The following OBSL1 variants were observed in gnomAD, a reference collection of about 807,000 sequenced individuals.
OBSL1 encodes obscurin-like protein 1.
OBSL1 carries 160 observed loss-of-function variants against 172.0 expected under a neutral mutation model. The observed-to-expected ratio is 0.93, with a 90% confidence interval of 0.82 to 1.06. The LOEUF is 1.06. Ranked by LOEUF, OBSL1 falls within the 50% of genes least tolerant of loss-of-function variation. The pLI is 0.00. For missense variants in OBSL1, 2,681 were observed against 2,715.4 expected, an observed-to-expected ratio of 0.99 and a Z score of 0.28; for synonymous variants, 1,200 against 1,196.3, an observed-to-expected ratio of 1.00 and a Z score of -0.06.
Position 219,565,451 on chromosome 2 carries a change from C to T in OBSL1, c.2198G>A (p.Arg733Gln), listed in dbSNP as rs372863586. 39 of 1,613,318 alleles carry T rather than the reference C, an allele frequency of 2.4e-5. No individual in the cohort carries two copies. Among genetic ancestry groups the T allele is most frequent in the Admixed American group, 3.3e-5 (2 of 59,994 alleles). ...RVSLTFTTSERVVLTCELSRV... is the reference protein window; with the variant it reads ...RVSLTFTTSEQVVLTCELSRV... ...TGAGAGCTCACAAGTCAGCACCACC[C>T]GCTCTGAGGTTGTGAAGGTCAACGA... The change falls in exon 6 of 21, where the codon CGG (arginine) becomes CAG (glutamine). Residue 733 changes from arginine to glutamine, a missense_variant. Arg to Gln is a conservative substitution (Grantham distance 43). This residue lies in a region of OBSL1 where 1,765 missense variants were observed against 1,748.3 expected (regional missense o/e 1.01). Transcript: ENST00000404537.
In OBSL1 at chr2:219,558,028, A is replaced by G. The variant is rs773646934; in HGVS notation, c.3585T>C (p.Cys1195=). The change falls in exon 11 of 21, where the codon TGT becomes TGC. Residue 1195 remains cysteine (C), a synonymous_variant. Transcript: ENST00000404537. ...VAPGEPVVLS[C]ELSRAGAPVV... is the part of the protein sequence containing the mutation. ...CGGGGGCGCCAGCCCGGGACAGTTC[A>G]CAGCTCAGCACCACTGGCTCCCCAG... 1.9e-6 allele frequency: 3 copies of G among 1,613,340 alleles called. No individual in the cohort carries two copies. Among genetic ancestry groups the G allele is most frequent in the Non-Finnish European group, 2.5e-6 (3 of 1,179,794 alleles).
At chr2:219,552,337 CGGAACAG>C in intron 18 of OBSL1, 121 bp from the exon 19 acceptor site, 1 of 991,484 alleles carries the variant, frequency 1.0e-6, no homozygotes. Context: ...CTAGGGTGGG[CGGAACAG>C]GGATGCGGAG....
In OBSL1 at chr2:219,570,455, C is replaced by T. The variant is rs1697260383; in HGVS notation, c.778G>A (p.Gly260Ser). 1.2e-6 allele frequency: 2 copies of T among 1,613,012 alleles called. No individual in the cohort carries two copies. Among genetic ancestry groups the T allele is most frequent in the Non-Finnish European group, 1.7e-6 (2 of 1,179,580 alleles). The change falls in exon 1 of 21, where the codon GGC becomes AGC. Residue 260 changes from glycine to serine, a missense_variant. By Grantham distance (56) the Gly-to-Ser change is moderately conservative. Around this residue, in one of 5 missense-constraint regions of OBSL1, gnomAD observed 706 missense variants for 695.8 expected, o/e 1.01. Coordinates refer to ENST00000404537, the MANE Select transcript of OBSL1 (RefSeq NM_015311.3). ...TAGCAGCGGAACTTGGCGTGCTTGCCCTCGTTCACCCAGAAGGTCTTAGGC... is the reference window on the plus strand; with the variant it reads ...TAGCAGCGGAACTTGGCGTGCTTGCTCTCGTTCACCCAGAAGGTCTTAGGC... ...CAPKTFWVNEGKHAKFRCYVM... is the reference protein window; with the variant it reads ...CAPKTFWVNESKHAKFRCYVM...
At chr2:219,548,733 A>G (rs10932812), downstream of OBSL1, among the ~76,000 whole-genome samples, 144,933 of 152,256 alleles carry the variant, frequency 0.95, 69,344 homozygotes, top group East Asian at 1. Flanking sequence ...ACCACTGGAG[A>G]GTTTAAAGTA....
At chr2:219,560,277 C>T (rs544376929) in intron 8 of OBSL1, among the ~76,000 whole-genome samples, 7 of 152,200 alleles carry the variant, frequency 4.6e-5, no homozygotes, top group Non-Finnish European at 1.0e-4. Flanking sequence ...TAAAGGGAGG[C>T]TCAGACCCCA....
rs770887118 is a variant in OBSL1 at position 219,565,421 on chromosome 2, A to G, written c.2228T>C (p.Val743Ala). ...CTTGTACCAGGTTGCCGGGAAGTCC[A>G]CCCTTGAGAGCTCACAAGTCAGCAC... The part of the protein sequence containing the change: ...RVVLTCELSR[V>A]DFPATWYKDG... The change falls in exon 6 of 21, where the codon GTG (valine) becomes GCG (alanine). Residue 743 changes from valine to alanine, a missense_variant. Val to Ala is a moderately conservative substitution (Grantham distance 64, BLOSUM62 0). Coordinates refer to ENST00000404537, the MANE Select transcript of OBSL1 (RefSeq NM_015311.3). The G allele has an allele frequency of 1.2e-5, 20 of 1,613,554 alleles. No individual in the cohort carries two copies. In the African/African-American group the frequency reaches 2.4e-4, roughly 19 times the overall value.
In OBSL1 at chr2:219,556,741, G is replaced by T; in HGVS notation, c.4067-18C>A. ...CAGTGGCTCTAAGGGGCACGGTAAG[G>T]CAGTGAGCTGGGCTGAGTCTTTTCT... is the stretch of plus-strand genomic sequence containing the variant. On this transcript the variant is annotated intron_variant, in intron 12 of 20. Transcript: ENST00000404537. The T allele has an allele frequency of 6.3e-7, 1 of 1,581,188 alleles. No individual in the cohort carries two copies. Among genetic ancestry groups the T allele is most frequent in the Non-Finnish European group, 8.6e-7 (1 of 1,158,506 alleles).
At chr2:219,569,942 G>C (rs1380502912) in intron 1 of OBSL1, among the ~76,000 whole-genome samples, 2 of 152,338 alleles carry the variant, frequency 1.3e-5, no homozygotes, top group East Asian at 3.9e-4. Context: ...AAGAGTTCTA[G>C]GGCCCTCCGG....
At chr2:219,547,393 T>C, downstream of OBSL1, 1 of 835,590 alleles carries the variant, frequency 1.2e-6, no homozygotes. Flanking sequence ...TCTCTGATCT[T>C]AGTGTCTTTG....
At position 219,567,104 on chromosome 2, in the gene OBSL1, T is replaced by C; in HGVS notation, c.1860A>G (p.Ala620=). 1.2e-6 allele frequency: 2 copies of C among 1,613,164 alleles called. No homozygotes were observed. The highest frequency in any genetic ancestry group is 4.5e-5 in the East Asian group (2 of 44,854). Residue 620 remains alanine (A), a synonymous_variant, in exon 5 of 21, where the codon GCA becomes GCG. Coordinates refer to ENST00000404537, the MANE Select transcript of OBSL1 (RefSeq NM_015311.3). ...AHLVPTARLV[A]GLEDVQVYDG... is the part of the protein sequence containing the mutation. ...CGTATACCTGCACATCCTCCAGACC[T>C]GCCACCAGGCGAGCTGTGGGCACTG...
At chr2:219,562,345 C>T (rs1696540540) in intron 8 of OBSL1, 57 bp downstream of exon 8, 3 of 1,581,642 alleles carry the variant, frequency 1.9e-6, no homozygotes, top group Non-Finnish European at 2.6e-6. Flanking sequence ...ATGTGGCCAG[C>T]TCCTCCAGGG....
chr2:219,552,635 T>C lies in OBSL1; in HGVS notation c.5209A>G (p.Thr1737Ala), dbSNP rs772539285. 6.4e-6 allele frequency: 10 copies of C among 1,558,320 alleles called. No homozygotes were observed. In the South Asian group the frequency reaches 8.1e-5, roughly 13 times the overall value. The change falls in exon 18 of 21, where the codon ACG becomes GCG. Residue 1737 changes from threonine (T) to alanine (A), a missense_variant. Around this residue, in one of 5 missense-constraint regions of OBSL1, gnomAD observed 1,765 missense variants for 1,748.3 expected, o/e 1.01. Transcript: ENST00000404537. ...ACCTCCGACACGGTGCACTCGAACG[T>C]AGCGCCGTCGCCTTCGCGGGCGCTC... ...SVSAREGDGATFECTVSEVET... is the reference protein window; with the variant it reads ...SVSAREGDGAAFECTVSEVET...
downstream of OBSL1, chr2:219,550,387 C>T: frequency 4.9e-6 from 1 of 203,524 alleles, no homozygotes; most frequent in South Asian, 1.1e-4. Context: ...CTCTGTAAAG[C>T]CACCAGCCTG....
intron 12 of OBSL1, 100 bp downstream of exon 12, chr2:219,557,243 G>T: frequency 8.1e-7 from 1 of 1,238,094 alleles, no homozygotes. Flanking sequence ...GTTGGAGCCA[G>T]AAGCAGCAAA....
rs770935107 is a variant in OBSL1, at chr2:219,553,670, G to A, written c.4893C>T (p.Ile1631=). The change falls in exon 16 of 21, where the codon ATC becomes ATT. Residue 1631 remains isoleucine (I), a synonymous_variant. Coordinates refer to ENST00000404537, the MANE Select transcript of OBSL1 (RefSeq NM_015311.3). ...CCTCTAGGTCGTGTGGCCCCCGCACGATGGTCACTGGGACCTCTGGGGGTG... is the reference window on the plus strand; with the variant it reads ...CCTCTAGGTCGTGTGGCCCCCGCACAATGGTCACTGGGACCTCTGGGGGTG... The part of the protein sequence containing the change: ...RLIVREVPVT[I]VRGPHDLEVT... 7 of 1,613,222 alleles carry A rather than the reference G, an allele frequency of 4.3e-6. No individual in the cohort carries two copies. In the South Asian group the frequency reaches 4.4e-5, roughly 10 times the overall value.
Position 219,556,668 on chromosome 2 carries a change from G to A in OBSL1, c.4122C>T (p.Gly1374=), listed in dbSNP as rs374001837. The A allele has an allele frequency of 4.8e-5, 78 of 1,611,998 alleles. No individual in the cohort carries two copies. Among genetic ancestry groups the A allele is most frequent in the South Asian group, 7.7e-5 (7 of 91,032 alleles). The change falls in exon 13 of 21, where the codon GGC becomes GGT. Residue 1374 remains glycine (G), a synonymous_variant. Coordinates refer to ENST00000404537, the MANE Select transcript of OBSL1 (RefSeq NM_015311.3). ...SELTPLTVHE[G]DDATFRCEVS... ...CTTCACACCGGAACGTGGCATCATCGCCCTCGTGGACAGTGAGTGGTGTCA... is the reference window on the plus strand; with the variant it reads ...CTTCACACCGGAACGTGGCATCATCACCCTCGTGGACAGTGAGTGGTGTCA...
chr2:219,552,382 G>C (rs944754230), intron 18 of OBSL1, 154 bp downstream of exon 18: 22 of 860,438 alleles, frequency 2.6e-5, no homozygotes, highest in Non-Finnish European at 3.4e-5. Context: ...CGGGACTAGG[G>C]GCTGGGGGCG....
At chr2:219,558,783 C>T (rs1335236246) in intron 9 of OBSL1, among the ~76,000 whole-genome samples, 1 of 152,206 alleles carries the variant, frequency 6.6e-6, no homozygotes, top group Non-Finnish European at 1.5e-5. Flanking sequence ...CAGATCTACA[C>T]ACCCCACTCC....
At position 219,554,491 on chromosome 2, in the gene OBSL1, G is replaced by A; in HGVS notation, c.4859C>T (p.Ala1620Val). 3.1e-6 allele frequency: 5 copies of A among 1,613,210 alleles called. No homozygotes were observed. The highest frequency in any genetic ancestry group is 3.4e-6 in the Non-Finnish European group (4 of 1,179,856). ...SFTADSLRCAARLIVREVPVT... is the reference protein window; with the variant it reads ...SFTADSLRCAVRLIVREVPVT... ...GGCCACACCTCTCACAATGAGTCTGGCTGCGCAGCGCAGGGAATCCGCTGT... is the reference window on the plus strand; with the variant it reads ...GGCCACACCTCTCACAATGAGTCTGACTGCGCAGCGCAGGGAATCCGCTGT... The change falls in exon 15 of 21, where the codon GCC becomes GTC. Residue 1620 changes from alanine to valine, a missense_variant. Ala to Val is a moderately conservative substitution (Grantham distance 64). Coordinates refer to ENST00000404537, the MANE Select transcript of OBSL1 (RefSeq NM_015311.3).
Sources: gnomAD v4.1 joint callset for allele counts (sites outside exome capture counted in the v4.1 genomes callset) on GRCh38, gnomAD v4.1.1 for gene constraint, gnomAD v4.1.1 regional missense constraint, MANE v1.5 for transcripts, NCBI Gene and HGNC (gene_info 2026-07-23, HGNC 2026-07-21) for gene names.